The following UBE2H variants were observed in gnomAD, a reference collection of about 807,000 sequenced individuals.
UBE2H encodes the protein ubiquitin-conjugating enzyme E2 H.
A neutral mutation model predicts 29.0 loss-of-function variants in UBE2H; 3 were observed. The ratio of observed to expected loss-of-function variants is 0.10; its 90% CI spans 0.05 to 0.27. The LOEUF (loss-of-function observed/expected upper bound fraction) is 0.27. UBE2H is among the 10% of genes least tolerant of loss of function. UBE2H has a pLI of 1.00. For missense variants in UBE2H, 68 were observed against 228.2 expected (o/e 0.30, Z 4.52); for synonymous variants, 69 against 82.9 (o/e 0.83, Z 0.91).
At chr7:129,868,472 C>T (rs1218678789) in intron 3 of UBE2H, among the ~76,000 whole-genome samples, 2 of 148,560 alleles carry the variant, frequency 1.3e-5, no homozygotes, top group South Asian at 2.1e-4. Context: ...CCCAGCTACT[C>T]GGGAGGCTGA....
At chr7:129,898,799 G>T (rs554509953) in intron 1 of UBE2H, among the ~76,000 whole-genome samples, 29 of 142,808 alleles carry the variant, frequency 2.0e-4, no homozygotes, top group African/African-American at 5.7e-4. Flanking sequence ...CAGATCAAGT[G>T]TTGAGTTGCA....
At chr7:129,919,051 T>G (rs12532612) in intron 1 of UBE2H, among the ~76,000 whole-genome samples, 9,138 of 135,856 alleles carry the variant, frequency 0.067, 353 homozygotes, top group Middle Eastern at 0.12. Context: ...GTCACTGCAC[T>G]CAAGCCTGGG....
intron 5 of UBE2H, among the ~76,000 whole-genome samples, chr7:129,855,625 C>T (rs886070128): frequency 5.3e-5 from 8 of 151,918 alleles, no homozygotes; most frequent in East Asian, 1.9e-4. Flanking sequence ...TGTGCGTGTG[C>T]GTGTGTATAG....
At chr7:129,893,908 C>T (rs957731301) in intron 1 of UBE2H, among the ~76,000 whole-genome samples, 10 of 152,216 alleles carry the variant, frequency 6.6e-5, no homozygotes, top group Non-Finnish European at 1.3e-4. Flanking sequence ...CCTGTACTCC[C>T]GGCACTTTGG....
chr7:129,878,501 G>C (rs1332118306), intron 3 of UBE2H, among the ~76,000 whole-genome samples: 1 of 151,996 alleles, frequency 6.6e-6, no homozygotes, highest in Admixed American at 6.5e-5. Flanking sequence ...GGCTAACACA[G>C]TGGAACCCCG....
Position 129,900,345 on chromosome 7 carries a change from C to T in UBE2H, c.54-19374G>A, listed in dbSNP as rs1584774659. Among the ~76,000 whole-genome samples, 3 of 152,260 alleles carry T rather than the reference C, an allele frequency of 2.0e-5. No individual in the cohort carries two copies. The East Asian group carries it at 5.8e-4, about 29-fold the overall frequency. ...ATTAATGTAACACATATGTTACTCT[C>T]CAATTTGCTAAAAGCCATAGAGTTT... On this transcript the variant is annotated intron_variant, in intron 1 of 6. Coordinates refer to ENST00000355621, the MANE Select transcript of UBE2H (RefSeq NM_003344.4).
intron 1 of UBE2H, among the ~76,000 whole-genome samples, chr7:129,909,924 G>C (rs117440892): frequency 6.6e-6 from 1 of 152,088 alleles, no homozygotes; most frequent in Admixed American, 6.6e-5. Context: ...GGAAAACAAA[G>C]GGGTCAATTA....
chr7:129,880,809 G>A (rs527666322), intron 2 of UBE2H, 86 bp downstream of exon 2: 50 of 1,223,876 alleles, frequency 4.1e-5, no homozygotes, highest in East Asian at 3.0e-4. Flanking sequence ...CAGAAACTAC[G>A]CATGCTACCA....
intron 5 of UBE2H, among the ~76,000 whole-genome samples, chr7:129,850,660 A>G (rs1201272584): frequency 6.6e-6 from 1 of 152,058 alleles, no homozygotes; most frequent in Non-Finnish European, 1.5e-5. Flanking sequence ...TACTAAAACC[A>G]CAAAATTAGC....
chr7:129,897,669 G>A (rs1259004995), intron 1 of UBE2H, among the ~76,000 whole-genome samples: 4 of 152,106 alleles, frequency 2.6e-5, no homozygotes, highest in Non-Finnish European at 4.4e-5. Flanking sequence ...AGAACTCTGC[G>A]TTCCAAAACA....
intron 6 of UBE2H, among the ~76,000 whole-genome samples, chr7:129,838,752 C>T (rs936028404): frequency 1.3e-5 from 2 of 152,124 alleles, no homozygotes; most frequent in Non-Finnish European, 2.9e-5. Context: ...GATTCTCTTG[C>T]CTCAGCCTCC....
intron 1 of UBE2H, among the ~76,000 whole-genome samples, chr7:129,938,220 G>A (rs1172684857): frequency 6.6e-6 from 1 of 151,848 alleles, no homozygotes; most frequent in African/African-American, 2.4e-5. Flanking sequence ...AGAACAGCCT[G>A]GGCAACATGG....
At chr7:129,920,136 T>A (rs1401315521) in intron 1 of UBE2H, among the ~76,000 whole-genome samples, 1 of 152,236 alleles carries the variant, frequency 6.6e-6, no homozygotes, top group Non-Finnish European at 1.5e-5. Context: ...ATCTCAAGTA[T>A]GCATCTCTCA....
At chr7:129,847,509 GTCTC>G (rs780516856) in intron 5 of UBE2H, among the ~76,000 whole-genome samples, 4 of 151,048 alleles carry the variant, frequency 2.6e-5, no homozygotes, top group African/African-American at 7.3e-5. Context: ...GTGAGACCCA[GTCTC>G]TCTTTTTTTT....
chr7:129,883,885 A>T (rs1363954544), intron 1 of UBE2H, among the ~76,000 whole-genome samples: 1 of 152,102 alleles, frequency 6.6e-6, no homozygotes, highest in East Asian at 1.9e-4. Context: ...GAATTGATAC[A>T]CATAATGTAT....
At chr7:129,848,604 A>T (rs1047921675) in intron 5 of UBE2H, among the ~76,000 whole-genome samples, 1 of 152,222 alleles carries the variant, frequency 6.6e-6, no homozygotes, top group African/African-American at 2.4e-5. Flanking sequence ...AACTCCTGGG[A>T]ATTTCACCCA....
intron 3 of UBE2H, among the ~76,000 whole-genome samples, chr7:129,872,524 A>G (rs2116351333): frequency 6.6e-6 from 1 of 152,160 alleles, no homozygotes; most frequent in East Asian, 1.9e-4. Context: ...AGTTCCCTTT[A>G]TCACTTGCAT....
chr7:129,947,407 C>T (rs547648219), intron 1 of UBE2H, among the ~76,000 whole-genome samples: 1 of 152,244 alleles, frequency 6.6e-6, no homozygotes, highest in African/African-American at 2.4e-5. Flanking sequence ...AAGAGGCAAA[C>T]CACAGGTTCC....
At chr7:129,840,319 T>C (rs1219261857) in intron 5 of UBE2H, among the ~76,000 whole-genome samples, 1 of 152,034 alleles carries the variant, frequency 6.6e-6, no homozygotes, top group Non-Finnish European at 1.5e-5. Flanking sequence ...TCCAAGTAAA[T>C]TGGACTATAG....
Sources: allele counts gnomAD v4.1 joint callset (sites outside exome capture counted in the v4.1 genomes callset), GRCh38; gene constraint gnomAD v4.1.1; transcripts MANE v1.5; gene names NCBI Gene and HGNC (gene_info 2026-07-23, HGNC 2026-07-21).